Variants in ESRRG observed in about 807,000 individuals in gnomAD.
ESRRG encodes estrogen related receptor gamma.
Under a neutral mutation model 44.0 loss-of-function variants are expected in ESRRG, and 13 were observed. The ratio of observed to expected loss-of-function variants is 0.30; its 90% CI spans 0.19 to 0.47. The LOEUF (loss-of-function observed/expected upper bound fraction) is 0.47, where lower values mean the gene tolerates loss of function less well. Among genes scored for constraint, ESRRG ranks in the 20% least tolerant of loss-of-function variants. ESRRG has a pLI of 1.00. For missense variants in ESRRG, 395 were observed against 580.6 expected, an observed-to-expected ratio of 0.68 and a Z score of 3.29; for synonymous variants, 215 against 214.6, an observed-to-expected ratio of 1.00 and a Z score of -0.02.
intron 1 of ESRRG, among the ~76,000 whole-genome samples, chr1:216,680,918 T>C (rs2076931987): frequency 6.6e-6 from 1 of 152,208 alleles, no homozygotes; most frequent in South Asian, 2.1e-4. Context: ...AGGACTTTAT[T>C]TCAAAAGAAC....
At chr1:216,858,063 T>C (rs778150690) in intron 2 of ESRRG, among the ~76,000 whole-genome samples, 5 of 152,156 alleles carry the variant, frequency 3.3e-5, no homozygotes, top group Admixed American at 6.6e-5. Flanking sequence ...AGCTCCTTTT[T>C]CAAGCACAAT....
chr1:216,804,600 T>C (rs1418615947), intron 2 of ESRRG, among the ~76,000 whole-genome samples: 2 of 152,078 alleles, frequency 1.3e-5, no homozygotes, highest in African/African-American at 4.8e-5. Flanking sequence ...TATTAACTTG[T>C]AGGAGCAATC....
chr1:216,953,688 T>A (rs1194898446), intron 1 of ESRRG, among the ~76,000 whole-genome samples: 1 of 152,080 alleles, frequency 6.6e-6, no homozygotes, highest in Non-Finnish European at 1.5e-5. Flanking sequence ...GACATAATAG[T>A]GTTATCTCTG....
At chr1:216,739,392 CTGTGATCTTT>C (rs2090386091) in intron 2 of ESRRG, among the ~76,000 whole-genome samples, 3 of 152,252 alleles carry the variant, frequency 2.0e-5, no homozygotes, top group South Asian at 2.1e-4. Context: ...AAACTATCTT[CTGTGATCTTT>C]TGGACTTTCT....
intron 1 of ESRRG, among the ~76,000 whole-genome samples, chr1:216,711,124 G>C (rs2083503160): frequency 6.6e-6 from 1 of 152,172 alleles, no homozygotes; most frequent in South Asian, 2.1e-4. Context: ...TATCGACCGA[G>C]CCAATTTCCT....
At chr1:216,667,724 GA>G (rs1028473043) in intron 2 of ESRRG, among the ~76,000 whole-genome samples, 2 of 139,780 alleles carry the variant, frequency 1.4e-5, no homozygotes, top group African/African-American at 5.3e-5. Flanking sequence ...GAACGAAGTT[GA>G]AAAATTATGA....
At chr1:216,607,722 G>A (rs997193874) in intron 3 of ESRRG, among the ~76,000 whole-genome samples, 1 of 152,056 alleles carries the variant, frequency 6.6e-6, no homozygotes, top group Admixed American at 6.6e-5. Context: ...TTGCATCTAA[G>A]GAGAGGTACA....
chr1:216,827,060 A>C (rs2095410034), intron 2 of ESRRG, among the ~76,000 whole-genome samples: 1 of 152,192 alleles, frequency 6.6e-6, no homozygotes, highest in South Asian at 2.1e-4. Flanking sequence ...AGATCTACAG[A>C]TTATGATCAT....
At chr1:217,037,508 C>T (rs987602233) in intron 1 of ESRRG, among the ~76,000 whole-genome samples, 1 of 152,162 alleles carries the variant, frequency 6.6e-6, no homozygotes, top group African/African-American at 2.4e-5. Flanking sequence ...AAGACCCAAA[C>T]CCATGATTCA....
chr1:216,528,020 C>A (rs536353680), intron 5 of ESRRG, among the ~76,000 whole-genome samples: 2 of 151,312 alleles, frequency 1.3e-5, no homozygotes, highest in African/African-American at 2.5e-5. Flanking sequence ...ACATAGCTGG[C>A]GCTCAGTAAA....
intron 3 of ESRRG, among the ~76,000 whole-genome samples, chr1:216,635,819 C>T (rs763399464): frequency 2.0e-5 from 3 of 152,102 alleles, no homozygotes; most frequent in Non-Finnish European, 2.9e-5. Flanking sequence ...CCTAAGCCTG[C>T]TGTGAACATA....
At chr1:216,741,919 C>T (rs563566309) in intron 2 of ESRRG, among the ~76,000 whole-genome samples, 1 of 152,302 alleles carries the variant, frequency 6.6e-6, no homozygotes, top group Admixed American at 6.5e-5. Flanking sequence ...TGAATTTCCT[C>T]ACTGGTGGTT....
intron 1 of ESRRG, among the ~76,000 whole-genome samples, chr1:217,083,301 C>T (rs993005563): frequency 6.6e-6 from 1 of 152,136 alleles, no homozygotes; most frequent in Non-Finnish European, 1.5e-5. Flanking sequence ...GGCTTTCATT[C>T]GAAACCACAG....
At chr1:216,643,138 T>C (rs527746678) in intron 3 of ESRRG, among the ~76,000 whole-genome samples, 11 of 152,304 alleles carry the variant, frequency 7.2e-5, no homozygotes, top group African/African-American at 2.6e-4. Flanking sequence ...AAAACAGCTC[T>C]GGGATAATTT....
rs58137897 is a variant in ESRRG at position 216,903,428 on chromosome 1, A to AGT, written c.-14+36152_-14+36153dup. 7.4e-3 allele frequency among the ~76,000 whole-genome samples: 1,103 copies of AGT among 148,298 alleles called. 16 individuals are homozygous for AGT. Among genetic ancestry groups the AGT allele is most frequent in the South Asian group, 0.074 (338 of 4,574 alleles). The stretch of plus-strand genomic sequence containing the variant: ...ATATATGTGTGGTTGTGTGTGTTCA[A>AGT]GTGTGTGTGTGTGTGTGTGTGTGTG... On this transcript the variant is annotated intron_variant, in intron 2 of 7. Transcript: ENST00000359162.
intron 1 of ESRRG, among the ~76,000 whole-genome samples, chr1:217,044,679 T>C (rs1049313313): frequency 2.6e-5 from 4 of 152,226 alleles, no homozygotes; most frequent in African/African-American, 4.8e-5. Context: ...TCATATTTTC[T>C]GACTGGCACT....
At chr1:217,056,452 T>C (rs1299283211) in intron 1 of ESRRG, among the ~76,000 whole-genome samples, 1 of 151,966 alleles carries the variant, frequency 6.6e-6, no homozygotes, top group Non-Finnish European at 1.5e-5. Flanking sequence ...AATGCAAAAG[T>C]ATGCAAGACT....
intron 5 of ESRRG, 117 bp from the exon 6 acceptor site, chr1:216,519,538 T>C: frequency 1.0e-6 from 1 of 972,822 alleles, no homozygotes. Context: ...TGAGCTTTGA[T>C]TAGAAGCTCT....
chr1:216,882,442 G>A (rs1254603810), intron 2 of ESRRG, among the ~76,000 whole-genome samples: 2 of 152,144 alleles, frequency 1.3e-5, no homozygotes, highest in Non-Finnish European at 2.9e-5. Flanking sequence ...ATGAAAAAAG[G>A]AAAGCCAAGT....
Sources: gnomAD v4.1 joint callset for allele counts (sites outside exome capture counted in the v4.1 genomes callset) on GRCh38, gnomAD v4.1.1 for gene constraint, MANE v1.5 for transcripts, NCBI Gene and HGNC (gene_info 2026-07-23, HGNC 2026-07-21) for gene names.